Variants in SLC20A2 observed in about 807,000 individuals in gnomAD.
SLC20A2 encodes solute carrier family 20 member 2, also known as sodium-dependent phosphate transporter 2.
In SLC20A2, 30 loss-of-function variants were observed where a neutral mutation model predicts 61.0. The ratio of observed to expected loss-of-function variants is 0.49; its 90% CI spans 0.37 to 0.67. SLC20A2 has a LOEUF of 0.67. Among genes scored for constraint, SLC20A2 ranks in the 30% least tolerant of loss-of-function variants. The probability of loss-of-function intolerance (pLI) is 0.00; values close to 1 mark genes in which losing one functional copy is unlikely to be tolerated. For missense variants in SLC20A2, 626 were observed against 866.4 expected, an observed-to-expected ratio of 0.72 and a Z score of 3.48; for synonymous variants, 351 against 353.3, an observed-to-expected ratio of 0.99 and a Z score of 0.07.
At chr8:42,444,562 T>G in intron 6 of SLC20A2, 84 bp downstream of exon 6, 1 of 1,001,594 alleles carries the variant, frequency 1.0e-6, no homozygotes, top group Non-Finnish European at 1.6e-6. Context: ...ATTTCCTCCA[T>G]TAGTAAGGAT....
In SLC20A2 at chr8:42,447,486, G is replaced by A. The variant is rs535875832; in HGVS notation, c.614-2724C>T. On this transcript the variant is annotated intron_variant, in intron 5 of 10. Coordinates refer to ENST00000520262, the MANE Select transcript of SLC20A2 (RefSeq NM_001257180.2). ...AGGTCAGGAGATGGAGACCATCCTG[G>A]CTAACACGGTGAAACCCCGTCTCTA... 3.0e-3 allele frequency among the ~76,000 whole-genome samples: 453 copies of A among 152,194 alleles called. 1 individual carries two copies. The highest frequency in any genetic ancestry group is 5.3e-3 in the Non-Finnish European group (361 of 68,022).
At chr8:42,497,867 T>C (rs1455085065) in intron 1 of SLC20A2, among the ~76,000 whole-genome samples, 1 of 152,078 alleles carries the variant, frequency 6.6e-6, no homozygotes, top group Non-Finnish European at 1.5e-5. Flanking sequence ...ATGTTATTAC[T>C]CCCCAGTACC....
chr8:42,495,621 T>C (rs1358230617), intron 1 of SLC20A2, among the ~76,000 whole-genome samples: 3 of 152,246 alleles, frequency 2.0e-5, no homozygotes, highest in African/African-American at 7.2e-5. Context: ...ATCAATATCT[T>C]ATGACCAGGC....
intron 1 of SLC20A2, chr8:42,535,436 A>G (rs1463787873): frequency 6.6e-6 from 1 of 152,256 alleles, no homozygotes; most frequent in Non-Finnish European, 1.5e-5. Flanking sequence ...AGACTGAAAA[A>G]TAATTCTAAT....
At chr8:42,447,345 CAAA>C (rs566169144) in intron 5 of SLC20A2, among the ~76,000 whole-genome samples, 11 of 115,490 alleles carry the variant, frequency 9.5e-5, no homozygotes, top group Admixed American at 9.1e-5. Flanking sequence ...GATCCTGCCT[CAAA>C]AAAAAAAAAA....
At chr8:42,441,168 G>A (rs1302842590) in intron 6 of SLC20A2, among the ~76,000 whole-genome samples, 1 of 131,372 alleles carries the variant, frequency 7.6e-6, no homozygotes, top group Non-Finnish European at 1.6e-5. Context: ...TTTTGAGATA[G>A]AGTTTCACTC....
At chr8:42,511,657 G>T (rs532001538) in intron 1 of SLC20A2, among the ~76,000 whole-genome samples, 15 of 151,690 alleles carry the variant, frequency 9.9e-5, no homozygotes, top group African/African-American at 3.6e-4. Context: ...CACTGTTAGG[G>T]TAAGCAGTTC....
chr8:42,462,766 G>C (rs1056087879), intron 4 of SLC20A2, among the ~76,000 whole-genome samples: 4 of 152,106 alleles, frequency 2.6e-5, no homozygotes, highest in Admixed American at 6.6e-5. Context: ...GTTGATTAAT[G>C]AACTAAAGTA....
chr8:42,451,957 G>A (rs1381481955), intron 5 of SLC20A2, among the ~76,000 whole-genome samples: 1 of 120,746 alleles, frequency 8.3e-6, no homozygotes. Flanking sequence ...GAGATGAAGA[G>A]GAGGAGGAGG....
intron 1 of SLC20A2, among the ~76,000 whole-genome samples, chr8:42,509,669 T>A (rs998301954): frequency 6.6e-6 from 1 of 152,064 alleles, no homozygotes; most frequent in African/African-American, 2.4e-5. Context: ...TGGTAGGATA[T>A]CTTGGGTCCA....
chr8:42,474,641 G>C, intron 1 of SLC20A2, among the ~76,000 whole-genome samples: 1 of 152,124 alleles, frequency 6.6e-6, no homozygotes, highest in East Asian at 1.9e-4. Context: ...CTTGTTTCCC[G>C]GGCTACCTTG....
chr8:42,509,572 A>AC (rs1413649140), intron 1 of SLC20A2, among the ~76,000 whole-genome samples: 2 of 151,796 alleles, frequency 1.3e-5, no homozygotes, highest in Non-Finnish European at 2.9e-5. Flanking sequence ...GTCTCTAAAA[A>AC]TAAAAAAAAA....
intron 3 of SLC20A2, 29 bp from the exon 4 acceptor site, chr8:42,463,119 A>G (rs1471755316): frequency 7.6e-7 from 1 of 1,311,578 alleles, no homozygotes. Flanking sequence ...AATCTAATGA[A>G]TGTTAAAATT....
chr8:42,476,549 C>A (rs1422574199), intron 1 of SLC20A2, among the ~76,000 whole-genome samples: 2 of 152,060 alleles, frequency 1.3e-5, no homozygotes, highest in Admixed American at 1.3e-4. Context: ...CTGGCACAAG[C>A]CCCGAGCAGC....
intron 1 of SLC20A2, among the ~76,000 whole-genome samples, chr8:42,533,825 AT>A (rs1460606234): frequency 4.0e-5 from 6 of 149,880 alleles, no homozygotes; most frequent in Non-Finnish European, 5.9e-5. Context: ...TGCCCGGCTA[AT>A]TTTTGTATTT....
At chr8:42,521,900 G>T (rs1027870684) in intron 1 of SLC20A2, among the ~76,000 whole-genome samples, 2 of 121,242 alleles carry the variant, frequency 1.6e-5, no homozygotes, top group African/African-American at 5.1e-5. Flanking sequence ...GGAAATCTGG[G>T]AATAAGCTCT....
intron 2 of SLC20A2, 119 bp from the exon 3 acceptor site, chr8:42,466,036 T>G (rs1807133495): frequency 1.1e-6 from 1 of 948,318 alleles, no homozygotes; most frequent in African/African-American, 1.7e-5. Context: ...CTGTGAATTG[T>G]TTCTTTACAA....
intron 6 of SLC20A2, among the ~76,000 whole-genome samples, chr8:42,444,345 G>A (rs991317224): frequency 5.9e-5 from 9 of 152,182 alleles, no homozygotes; most frequent in Non-Finnish European, 1.0e-4. Flanking sequence ...AAATCTCCTT[G>A]TGGAGTTAAT....
intron 1 of SLC20A2, among the ~76,000 whole-genome samples, chr8:42,493,635 A>T (rs1435902956): frequency 6.6e-6 from 1 of 152,186 alleles, no homozygotes; most frequent in Non-Finnish European, 1.5e-5. Flanking sequence ...AATAATACTG[A>T]GTCTGAGATC....
Sources: gnomAD v4.1 joint callset for allele counts (sites outside exome capture counted in the v4.1 genomes callset) on GRCh38, gnomAD v4.1.1 for gene constraint, MANE v1.5 for transcripts, NCBI Gene and HGNC (gene_info 2026-07-23, HGNC 2026-07-21) for gene names.